TTC7B: variants seen among roughly 807,000 people sequenced by gnomAD.
TTC7B encodes tetratricopeptide repeat protein 7B.
TTC7B carries 28 observed loss-of-function variants against 106.8 expected under a neutral mutation model. That is an observed-to-expected ratio of 0.26 (90% CI 0.19 to 0.36). The LOEUF is 0.36. TTC7B is among the 10% of genes least tolerant of loss of function. TTC7B has a pLI of 1.00. For missense variants in TTC7B, 862 were observed against 1,076.4 expected, an observed-to-expected ratio of 0.80 and a Z score of 2.79; for synonymous variants, 405 against 430.6, an observed-to-expected ratio of 0.94 and a Z score of 0.74.
intron 3 of TTC7B, among the ~76,000 whole-genome samples, chr14:90,752,427 G>T (rs1665392473): frequency 1.3e-5 from 2 of 152,168 alleles, no homozygotes; most frequent in South Asian, 2.1e-4. Flanking sequence ...TCTCCCCAAG[G>T]CCTGTAGATT....
chr14:90,709,249 C>T (rs1359100696), intron 5 of TTC7B, among the ~76,000 whole-genome samples: 202 of 149,780 alleles, frequency 1.3e-3, no homozygotes, highest in African/African-American at 4.2e-3. Flanking sequence ...ATGTTTATTG[C>T]GGCACTATTC....
intron 1 of TTC7B, among the ~76,000 whole-genome samples, chr14:90,803,830 AC>A (rs2030426079): frequency 6.6e-6 from 1 of 152,136 alleles, no homozygotes; most frequent in Non-Finnish European, 1.5e-5. Flanking sequence ...ACACACACAC[AC>A]ACACAATTCC....
chr14:90,763,758 A>G (rs1459103583), intron 3 of TTC7B, among the ~76,000 whole-genome samples: 2 of 152,204 alleles, frequency 1.3e-5, no homozygotes, highest in Non-Finnish European at 2.9e-5. Flanking sequence ...TTATAATAAC[A>G]TAAAAAAGAA....
chr14:90,614,808 G>A (rs576045222), intron 16 of TTC7B, among the ~76,000 whole-genome samples: 3 of 152,302 alleles, frequency 2.0e-5, no homozygotes, highest in Non-Finnish European at 2.9e-5. Flanking sequence ...TTCAATAAAC[G>A]TGGTTATTAC....
At chr14:90,710,563 A>G (rs1277700705) in intron 5 of TTC7B, among the ~76,000 whole-genome samples, 1 of 152,204 alleles carries the variant, frequency 6.6e-6, no homozygotes, top group East Asian at 1.9e-4. Flanking sequence ...ATCTTTTATG[A>G]AAGGAAGAGT....
intron 7 of TTC7B, among the ~76,000 whole-genome samples, chr14:90,685,430 A>G (rs1887218476): frequency 6.6e-6 from 1 of 152,216 alleles, no homozygotes; most frequent in Non-Finnish European, 1.5e-5. Context: ...TATTCTAAGA[A>G]GTAGAGCTCT....
At position 90,614,473 on chromosome 14, in the gene TTC7B, AC is replaced by A. The variant is rs1470682546; in HGVS notation, c.1868+3455del. On this transcript the variant is annotated intron_variant, in intron 16 of 19. Coordinates refer to ENST00000328459, the MANE Select transcript of TTC7B (RefSeq NM_001010854.2). ...GGACTTTGAATCACCTGGAGATGTC[AC>A]CTCATGGGTACATGATGGAGATGGG... 7.9e-5 allele frequency among the ~76,000 whole-genome samples: 12 copies of A among 152,340 alleles called. No individual in the cohort carries two copies. The South Asian group carries it at 2.5e-3, about 32-fold the overall frequency.
intron 5 of TTC7B, among the ~76,000 whole-genome samples, chr14:90,700,494 A>G (rs1887941254): frequency 6.6e-6 from 1 of 151,998 alleles, no homozygotes; most frequent in Non-Finnish European, 1.5e-5. Flanking sequence ...AGGGCCAGCC[A>G]GTACCAGTGA....
chr14:90,591,443 G>A (rs1286834291), intron 18 of TTC7B, among the ~76,000 whole-genome samples: 2 of 152,184 alleles, frequency 1.3e-5, no homozygotes, highest in Admixed American at 6.5e-5. Context: ...CAACAGTCAC[G>A]GCAGGCCACG....
rs1335635740 is a variant in TTC7B at position 90,703,456 on chromosome 14, G to A, written c.699-7878C>T. ...AAGCACTTGAGCTGGAAGTTCGAGT[G>A]TGAGGATAAGAGTGCAACGTTCACT... On this transcript the variant is annotated intron_variant, in intron 5 of 19. Transcript: ENST00000328459. 3.9e-5 allele frequency among the ~76,000 whole-genome samples: 6 copies of A among 152,202 alleles called. No homozygotes were observed. The South Asian group carries it at 8.3e-4, about 21-fold the overall frequency.
At chr14:90,564,299 C>T (rs1337754631) in intron 19 of TTC7B, among the ~76,000 whole-genome samples, 1 of 152,130 alleles carries the variant, frequency 6.6e-6, no homozygotes, top group East Asian at 1.9e-4. Flanking sequence ...GAATCTTTTT[C>T]TCTGAATAAG....
At chr14:90,611,634 T>A (rs1307750831) in intron 16 of TTC7B, among the ~76,000 whole-genome samples, 1 of 152,156 alleles carries the variant, frequency 6.6e-6, no homozygotes, top group East Asian at 1.9e-4. Flanking sequence ...CCACCACTCC[T>A]ACCAGCTTCC....
At chr14:90,707,425 T>C (rs1375749850) in intron 5 of TTC7B, among the ~76,000 whole-genome samples, 2 of 152,184 alleles carry the variant, frequency 1.3e-5, no homozygotes, top group African/African-American at 2.4e-5. Flanking sequence ...AAAGGAAGAA[T>C]TGCACATCTC....
chr14:90,564,786 C>G (rs1890721395), intron 19 of TTC7B, among the ~76,000 whole-genome samples: 1 of 152,162 alleles, frequency 6.6e-6, no homozygotes, highest in Non-Finnish European at 1.5e-5. Flanking sequence ...TGATACGTGC[C>G]TATAGCCCTA....
chr14:90,652,480 GT>G (rs35126260), intron 13 of TTC7B, among the ~76,000 whole-genome samples: 4 of 110,300 alleles, frequency 3.6e-5, no homozygotes, highest in East Asian at 2.2e-4. Flanking sequence ...AGTTTGACAT[GT>G]TTTTTTTAAA....
At chr14:90,696,879 A>G (rs1389131756) in intron 5 of TTC7B, among the ~76,000 whole-genome samples, 1 of 152,252 alleles carries the variant, frequency 6.6e-6, no homozygotes, top group Non-Finnish European at 1.5e-5. Flanking sequence ...GCCCTGGGAC[A>G]TGCAATCTAC....
intron 3 of TTC7B, among the ~76,000 whole-genome samples, chr14:90,753,470 C>T (rs1032029583): frequency 1.3e-5 from 2 of 152,238 alleles, no homozygotes; most frequent in Non-Finnish European, 2.9e-5. Context: ...AGGGCAGCCC[C>T]GATGGCTGGT....
chr14:90,653,046 G>A, intron 12 of TTC7B, 148 bp from the exon 13 acceptor site: 1 of 805,558 alleles, frequency 1.2e-6, no homozygotes, highest in Non-Finnish European at 2.1e-6. Context: ...AGGCCCTGGA[G>A]AAGATAGGAA....
intron 5 of TTC7B, among the ~76,000 whole-genome samples, chr14:90,713,346 C>T (rs950172765): frequency 2.0e-5 from 3 of 152,118 alleles, no homozygotes; most frequent in Admixed American, 6.5e-5. Context: ...AAACTCCTGA[C>T]CTCAGGTGAT....
Sources: allele counts gnomAD v4.1 joint callset (sites outside exome capture counted in the v4.1 genomes callset), GRCh38; gene constraint gnomAD v4.1.1; transcripts MANE v1.5; gene names NCBI Gene and HGNC (gene_info 2026-07-23, HGNC 2026-07-21).